The following ZDHHC14 variants were observed in gnomAD, a reference collection of about 807,000 sequenced individuals.
ZDHHC14 encodes the protein zDHHC palmitoyltransferase 14.
A neutral mutation model predicts 47.7 loss-of-function variants in ZDHHC14; 16 were observed. The observed-to-expected ratio is 0.34, with a 90% confidence interval of 0.23 to 0.51. The LOEUF (loss-of-function observed/expected upper bound fraction) is 0.51. Ranked by LOEUF, ZDHHC14 falls within the 20% of genes least tolerant of loss-of-function variation. The pLI is 0.97. For missense variants in ZDHHC14, 515 were observed against 662.5 expected, an observed-to-expected ratio of 0.78 and a Z score of 2.44; for synonymous variants, 293 against 278.9, an observed-to-expected ratio of 1.05 and a Z score of -0.50.
chr6:157,634,462 C>T (rs1304734536), intron 5 of ZDHHC14, among the ~76,000 whole-genome samples: 3 of 152,196 alleles, frequency 2.0e-5, no homozygotes, highest in African/African-American at 7.2e-5. Context: ...GGGGTGACAT[C>T]CCCCCACTAT....
intron 2 of ZDHHC14, among the ~76,000 whole-genome samples, chr6:157,573,511 A>G (rs1783179216): frequency 6.6e-6 from 1 of 152,160 alleles, no homozygotes; most frequent in African/African-American, 2.4e-5. Flanking sequence ...GACATGCCCC[A>G]GGGCCCCTTC....
chr6:157,612,286 C>T (rs536576216), intron 3 of ZDHHC14, among the ~76,000 whole-genome samples: 4 of 152,328 alleles, frequency 2.6e-5, no homozygotes, highest in African/African-American at 9.6e-5. Context: ...ACCCACCATC[C>T]ACTCTGCTCC....
intron 1 of ZDHHC14, among the ~76,000 whole-genome samples, chr6:157,397,455 A>G (rs1028444872): frequency 6.6e-6 from 1 of 151,944 alleles, no homozygotes; most frequent in South Asian, 2.1e-4. Flanking sequence ...CGGCTTCTGG[A>G]GCTATCTTGC....
At chr6:157,521,236 G>A (rs937513368) in intron 1 of ZDHHC14, among the ~76,000 whole-genome samples, 10 of 152,212 alleles carry the variant, frequency 6.6e-5, no homozygotes, top group African/African-American at 2.2e-4. Context: ...TTGGTTTGGA[G>A]TCAGGCATTA....
chr6:157,497,564 G>T (rs564569138), intron 1 of ZDHHC14, among the ~76,000 whole-genome samples: 1 of 152,100 alleles, frequency 6.6e-6, no homozygotes, highest in Non-Finnish European at 1.5e-5. Context: ...GGCTCTGATG[G>T]GCCCATGGCA....
At chr6:157,569,632 T>C (rs1783026372) in intron 2 of ZDHHC14, among the ~76,000 whole-genome samples, 5 of 152,286 alleles carry the variant, frequency 3.3e-5, no homozygotes, top group African/African-American at 1.2e-4. Context: ...CTATTAGCAT[T>C]GTAATAGATG....
intron 2 of ZDHHC14, among the ~76,000 whole-genome samples, chr6:157,554,368 C>T (rs1230908562): frequency 6.6e-6 from 1 of 152,144 alleles, no homozygotes; most frequent in African/African-American, 2.4e-5. Flanking sequence ...CGAGACGGCA[C>T]GAGTTCTAGC....
intron 1 of ZDHHC14, among the ~76,000 whole-genome samples, chr6:157,423,767 C>G (rs971864636): frequency 6.6e-6 from 1 of 152,144 alleles, no homozygotes; most frequent in Non-Finnish European, 1.5e-5. Flanking sequence ...CTTGCTGAGC[C>G]GATTTAAACT....
At chr6:157,550,421 A>G (rs916646399) in intron 2 of ZDHHC14, among the ~76,000 whole-genome samples, 2 of 151,878 alleles carry the variant, frequency 1.3e-5, no homozygotes, top group Non-Finnish European at 2.9e-5. Flanking sequence ...TAGAGAGACC[A>G]CAGTGTCACA....
At chr6:157,534,763 ATTT>A (rs572500092) in intron 1 of ZDHHC14, among the ~76,000 whole-genome samples, 1 of 150,512 alleles carries the variant, frequency 6.6e-6, no homozygotes, top group Non-Finnish European at 1.5e-5. Flanking sequence ...TGGTTTTTGT[ATTT>A]TTTTTGTAGA....
chr6:157,440,337 G>A (rs563176963), intron 1 of ZDHHC14, among the ~76,000 whole-genome samples: 1 of 152,206 alleles, frequency 6.6e-6, no homozygotes, highest in South Asian at 2.1e-4. Flanking sequence ...GGAAATGCAA[G>A]TGAAAACCAC....
intron 1 of ZDHHC14, among the ~76,000 whole-genome samples, chr6:157,521,867 A>G (rs1277526193): frequency 6.6e-6 from 1 of 152,226 alleles, no homozygotes; most frequent in Admixed American, 6.5e-5. Flanking sequence ...ACCAAGGAGC[A>G]GCTCTGACTT....
chr6:157,450,149 G>T (rs1016921586), intron 1 of ZDHHC14, among the ~76,000 whole-genome samples: 1 of 151,770 alleles, frequency 6.6e-6, no homozygotes, highest in Non-Finnish European at 1.5e-5. Flanking sequence ...TGGATGAGGG[G>T]AGTTGAAGGA....
intron 1 of ZDHHC14, among the ~76,000 whole-genome samples, chr6:157,383,821 G>C (rs1189296711): frequency 6.6e-6 from 1 of 152,212 alleles, no homozygotes; most frequent in Non-Finnish European, 1.5e-5. Flanking sequence ...GTGTGAACAG[G>C]CATTCAGAGT....
chr6:157,524,023 C>T (rs1781065043), intron 1 of ZDHHC14, among the ~76,000 whole-genome samples: 1 of 152,092 alleles, frequency 6.6e-6, no homozygotes, highest in Non-Finnish European at 1.5e-5. Context: ...CACAGGGTTA[C>T]AGAAATGCAG....
intron 8 of ZDHHC14, among the ~76,000 whole-genome samples, chr6:157,672,306 G>T (rs1778833284): frequency 6.6e-6 from 1 of 152,152 alleles, no homozygotes; most frequent in Admixed American, 6.5e-5. Context: ...ATGAACATGG[G>T]TGTACAACTC....
At position 157,623,598 on chromosome 6, in the gene ZDHHC14, A is replaced by C. The variant is rs187225413; in HGVS notation, c.566-4751A>C. 4.4e-5 allele frequency among the ~76,000 whole-genome samples: 6 copies of C among 137,360 alleles called. No individual in the cohort carries two copies. In the East Asian group the frequency reaches 1.3e-3, roughly 29 times the overall value. The allele number at this position is 137,360 out of a possible 152,430, so 90.1% of individuals were successfully genotyped here. On this transcript the variant is annotated intron_variant, in intron 3 of 8. Coordinates refer to ENST00000359775, the MANE Select transcript of ZDHHC14 (RefSeq NM_024630.3). ...TGCTCTGTCGCTCAGGCTTTAGTGC[A>C]GTGGCATGATCTCAGCTCACTGCAG... is the stretch of plus-strand genomic sequence containing the variant.
At chr6:157,593,253 C>T in intron 3 of ZDHHC14, 107 bp downstream of exon 3, 5 of 1,382,594 alleles carry the variant, frequency 3.6e-6, no homozygotes, top group East Asian at 2.4e-5. Context: ...AATATTTCAG[C>T]GCATTTGCAT....
intron 1 of ZDHHC14, among the ~76,000 whole-genome samples, chr6:157,387,854 T>C (rs993260452): frequency 5.9e-5 from 9 of 152,218 alleles, no homozygotes; most frequent in Admixed American, 2.0e-4. Context: ...TGAAACACTT[T>C]GGAAAATACC....
Sources: gnomAD v4.1 joint callset for allele counts (sites outside exome capture counted in the v4.1 genomes callset) on GRCh38, gnomAD v4.1.1 for gene constraint, MANE v1.5 for transcripts, NCBI Gene and HGNC (gene_info 2026-07-23, HGNC 2026-07-21) for gene names.